KIF5C: variants seen among roughly 807,000 people sequenced by gnomAD.
KIF5C encodes the protein kinesin family member 5C.
In KIF5C, 18 loss-of-function variants were observed where a neutral mutation model predicts 125.2. The ratio of observed to expected loss-of-function variants is 0.14; its 90% CI spans 0.10 to 0.21. KIF5C has a LOEUF of 0.21. KIF5C is among the 10% of genes least tolerant of loss of function. KIF5C has a pLI of 1.00. For synonymous variants in KIF5C, 405 were observed against 434.0 expected (o/e 0.93, Z 0.83); for missense variants, 780 against 1,183.8 (o/e 0.66, Z 5.01).
intron 1 of KIF5C, among the ~76,000 whole-genome samples, chr2:148,912,711 A>C (rs1310712216): frequency 6.6e-6 from 1 of 152,238 alleles, no homozygotes; most frequent in Non-Finnish European, 1.5e-5. Context: ...GGGCTCCCAA[A>C]GTACTGGGAT....
chr2:148,989,827 G>C (rs944079425), intron 15 of KIF5C, among the ~76,000 whole-genome samples: 19 of 152,134 alleles, frequency 1.2e-4, no homozygotes, highest in East Asian at 1.9e-4. Flanking sequence ...CAGGCACTCA[G>C]CAGTTTCTAG....
At chr2:148,952,706 G>C (rs923376847) in intron 10 of KIF5C, among the ~76,000 whole-genome samples, 5 of 152,132 alleles carry the variant, frequency 3.3e-5, no homozygotes, top group Non-Finnish European at 5.9e-5. Context: ...CTCTCCCACA[G>C]AGAGATATAT....
rs1372302694 is a variant in KIF5C at position 149,025,819 on chromosome 2, A to T, written c.*2749A>T. ...CAAATGTGTTTTTGTCAATTACTAG[A>T]GAATTCTGTGCAAACATATCATCTC... On this transcript the variant is annotated 3_prime_UTR_variant, in exon 26 of 26. Coordinates refer to ENST00000435030, the MANE Select transcript of KIF5C (RefSeq NM_004522.3). 1 of 152,672 alleles carries T rather than the reference A, an allele frequency of 6.5e-6. No individual in the cohort carries two copies. Among genetic ancestry groups the T allele is most frequent in the East Asian group, 1.9e-4 (1 of 5,204 alleles). 9.5% of individuals were successfully genotyped at this position (152,672 alleles called of 1,614,324 possible).
At position 148,876,441 on chromosome 2, in the gene KIF5C, C is replaced by T. The variant is rs112296954; in HGVS notation, c.126+698C>T. Reference sequence around the variant, plus strand: ...ATCCCTCCCCTCTGGGATGACCTCCCTCCCATGTCTGCAGACCCTCTGATG... The same window carrying T: ...ATCCCTCCCCTCTGGGATGACCTCCTTCCCATGTCTGCAGACCCTCTGATG... On this transcript the variant is annotated intron_variant, in intron 1 of 25. Transcript: ENST00000435030. The surrounding 1 kb of genome is among the most constrained non-coding windows in gnomAD (Gnocchi z 4.7). 1.4e-3 allele frequency among the ~76,000 whole-genome samples: 212 copies of T among 152,286 alleles called. No homozygotes were observed. The highest frequency in any genetic ancestry group is 4.9e-3 in the African/African-American group (205 of 41,568).
In KIF5C at chr2:148,875,423, G is replaced by C; in HGVS notation, c.-195G>C. On this transcript the variant is annotated 5_prime_UTR_variant, in exon 1 of 26. Coordinates refer to ENST00000435030, the MANE Select transcript of KIF5C (RefSeq NM_004522.3). ...CAGCCGGAGGGGCCGGAGCGGAGAAGCTGCCCACCTTCCCGGGCTCGGAGC... is the reference window on the plus strand; with the variant it reads ...CAGCCGGAGGGGCCGGAGCGGAGAACCTGCCCACCTTCCCGGGCTCGGAGC... 1 of 548,916 alleles carries C rather than the reference G, an allele frequency of 1.8e-6. No homozygotes were observed. Among genetic ancestry groups the C allele is most frequent in the South Asian group, 2.2e-5 (1 of 45,126 alleles). 34.0% of individuals were successfully genotyped at this position (548,916 alleles called of 1,614,324 possible).
chr2:149,007,551 T>C (rs1332261303), intron 22 of KIF5C, among the ~76,000 whole-genome samples: 1 of 152,224 alleles, frequency 6.6e-6, no homozygotes, highest in African/African-American at 2.4e-5. Context: ...GTTTGGTGAC[T>C]TGTTGTCCCA....
At chr2:148,922,080 C>T in intron 1 of KIF5C, 57 bp from the exon 2 acceptor site, 1 of 1,226,946 alleles carries the variant, frequency 8.2e-7, no homozygotes, top group Admixed American at 2.1e-5. Flanking sequence ...ATTTTTTATT[C>T]CTAAACATCT....
At chr2:148,996,711 C>A (rs956273506) in intron 17 of KIF5C, among the ~76,000 whole-genome samples, 3 of 152,202 alleles carry the variant, frequency 2.0e-5, no homozygotes, top group African/African-American at 7.2e-5. Context: ...GGTTTAATCT[C>A]AAAAATGTTA....
intron 25 of KIF5C, among the ~76,000 whole-genome samples, chr2:149,012,746 G>T (rs977627465): frequency 6.6e-6 from 1 of 152,252 alleles, no homozygotes; most frequent in African/African-American, 2.4e-5. Context: ...GAGGCAGCCC[G>T]CGGGCGGGCA....
intron 15 of KIF5C, among the ~76,000 whole-genome samples, chr2:148,986,489 C>T (rs1202021352): frequency 6.6e-6 from 1 of 152,088 alleles, no homozygotes; most frequent in Admixed American, 6.6e-5. Context: ...ACAAGATAAG[C>T]TCAGACAGTA....
chr2:148,957,129 G>A (rs1050280174), intron 10 of KIF5C, among the ~76,000 whole-genome samples: 8 of 152,136 alleles, frequency 5.3e-5, no homozygotes, highest in Admixed American at 6.5e-5. Flanking sequence ...TCTTGATTTT[G>A]TGTCTCCCTG....
At chr2:148,922,366 G>A (rs1339147867) in intron 2 of KIF5C, 139 bp downstream of exon 2, 15 of 550,624 alleles carry the variant, frequency 2.7e-5, no homozygotes, top group Admixed American at 7.2e-5. Flanking sequence ...CTATAGCCTC[G>A]GTTCTAGCCC....
chr2:148,885,618 T>C (rs1681496477), intron 1 of KIF5C: 4 of 152,184 alleles, frequency 2.6e-5, no homozygotes, highest in African/African-American at 7.2e-5. Context: ...AGCATATATG[T>C]GAGAGCAGAA....
intron 15 of KIF5C, among the ~76,000 whole-genome samples, chr2:148,985,302 A>C (rs1249873764): frequency 1.3e-5 from 2 of 152,230 alleles, no homozygotes; most frequent in African/African-American, 4.8e-5. Context: ...TTAAAACAAA[A>C]CAAAAAGCTT....
rs74547666 is a variant in KIF5C at position 149,013,499 on chromosome 2, T to G, written c.*7+1816T>G. 9.2e-5 allele frequency among the ~76,000 whole-genome samples: 14 copies of G among 152,282 alleles called. 1 individual carries two copies. Among genetic ancestry groups the G allele is most frequent in the Middle Eastern group, 6.8e-3 (2 of 294 alleles). On this transcript the variant is annotated intron_variant, in intron 25 of 25. Coordinates refer to ENST00000435030, the MANE Select transcript of KIF5C (RefSeq NM_004522.3). ...GTAGTCTTTTAGCTGGGCACATCAC[T>G]ACCCCAAAGAAAGGTAATGCTTTTA... is the stretch of plus-strand genomic sequence containing the variant.
At chr2:148,879,964 G>C (rs1681300990) in intron 1 of KIF5C, 1 of 152,224 alleles carries the variant, frequency 6.6e-6, no homozygotes, top group Admixed American at 6.5e-5. Flanking sequence ...GATGGATGGG[G>C]AAGGGGCCTG....
At chr2:148,922,892 C>T (rs1265680477) in intron 2 of KIF5C, among the ~76,000 whole-genome samples, 1 of 152,204 alleles carries the variant, frequency 6.6e-6, no homozygotes, top group Non-Finnish European at 1.5e-5. Flanking sequence ...CTAGGACTGG[C>T]ATTGGCCCTG....
At chr2:148,899,867 T>C (rs1660293856) in intron 1 of KIF5C, among the ~76,000 whole-genome samples, 1 of 152,186 alleles carries the variant, frequency 6.6e-6, no homozygotes, top group Non-Finnish European at 1.5e-5. Flanking sequence ...TTTCTGTGTA[T>C]GTCTCCTGTG....
At position 148,962,079 on chromosome 2, in the gene KIF5C, T is replaced by C; in HGVS notation, c.1077T>C (p.Val359=). Residue 359 remains valine, a synonymous_variant, in exon 11 of 26, where the codon GTT becomes GTC. Transcript: ENST00000435030. ...AGAAAAACAAGACTTTGAAGAATGT[T>C]ATCCAGCATCTGGAGATGGAGCTAA... ...EKEKNKTLKN[V]IQHLEMELNR... is the part of the protein sequence containing the mutation. 1.9e-6 allele frequency: 3 copies of C among 1,612,870 alleles called. No individual in the cohort carries two copies. The highest frequency in any genetic ancestry group is 2.5e-6 in the Non-Finnish European group (3 of 1,179,316).
Sources: allele counts gnomAD v4.1 joint callset (sites outside exome capture counted in the v4.1 genomes callset), GRCh38; gene constraint gnomAD v4.1.1; non-coding constraint Gnocchi (gnomAD v3.1); transcripts MANE v1.5; gene names NCBI Gene and HGNC (gene_info 2026-07-23, HGNC 2026-07-21).